Variants in SDK1 observed in about 807,000 individuals in gnomAD.
SDK1 encodes sidekick cell adhesion molecule 1.
A neutral mutation model predicts 245.5 loss-of-function variants in SDK1; 157 were observed. The observed-to-expected ratio is 0.64, with a 90% confidence interval of 0.56 to 0.73. The LOEUF (loss-of-function observed/expected upper bound fraction) is 0.73, where lower values mean the gene tolerates loss of function less well. SDK1 is among the 30% of genes least tolerant of loss of function. The pLI is 0.00. For missense variants in SDK1, 3,583 were observed against 3,002.3 expected (o/e 1.19, Z -4.52); for synonymous variants, 1,647 against 1,278.5 (o/e 1.29, Z -6.15).
chr7:4,209,415 C>T (rs1004748954), intron 37 of SDK1, among the ~76,000 whole-genome samples: 6 of 152,172 alleles, frequency 3.9e-5, no homozygotes, highest in South Asian at 2.1e-4. Context: ...ACACGGCGCC[C>T]GGGCAGAGGG....
chr7:3,976,057 ACG>A (rs1782935692), intron 13 of SDK1, among the ~76,000 whole-genome samples: 1 of 964 alleles, frequency 1.0e-3, no homozygotes, highest in African/African-American at 4.3e-3. Context: ...TGAGGCTGCC[ACG>A]TAGAGGGTCC....
chr7:3,592,016 A>AT (rs1205587655), intron 1 of SDK1, among the ~76,000 whole-genome samples: 2 of 152,142 alleles, frequency 1.3e-5, no homozygotes. Flanking sequence ...AAATGAATAT[A>AT]TTTTTACCAT....
At chr7:3,714,545 A>G (rs771934843) in intron 4 of SDK1, among the ~76,000 whole-genome samples, 2 of 152,192 alleles carry the variant, frequency 1.3e-5, no homozygotes, top group South Asian at 2.1e-4. Flanking sequence ...ATTTTGTTAC[A>G]TCTTATGTAA....
At chr7:3,467,765 A>AT (rs1187482042) in intron 1 of SDK1, among the ~76,000 whole-genome samples, 1 of 152,106 alleles carries the variant, frequency 6.6e-6, no homozygotes, top group Non-Finnish European at 1.5e-5. Context: ...TTAGTAAAGC[A>AT]TTTGAGATTG....
intron 4 of SDK1, among the ~76,000 whole-genome samples, chr7:3,720,068 T>C (rs938752248): frequency 6.6e-5 from 10 of 151,854 alleles, no homozygotes; most frequent in Admixed American, 6.6e-4. Flanking sequence ...ATACCAAAGG[T>C]ACGATTTACA....
intron 19 of SDK1, among the ~76,000 whole-genome samples, chr7:4,059,058 T>A (rs1423191515): frequency 6.6e-6 from 1 of 152,150 alleles, no homozygotes; most frequent in Non-Finnish European, 1.5e-5. Context: ...AATCAATTAA[T>A]AATTACTAGA....
intron 1 of SDK1, among the ~76,000 whole-genome samples, chr7:3,618,649 T>C (rs897294432): frequency 2.0e-5 from 3 of 152,240 alleles, no homozygotes; most frequent in Non-Finnish European, 2.9e-5. Flanking sequence ...TGTATGTATG[T>C]CAATCTTGCT....
In SDK1 at chr7:3,301,646, T is replaced by A. The variant is rs2128539216; in HGVS notation, c.60T>A (p.Pro20=). The A allele has an allele frequency of 1.0e-6, 1 of 975,188 alleles. No individual in the cohort carries two copies. The highest frequency in any genetic ancestry group is 1.2e-6 in the Non-Finnish European group (1 of 825,812). The allele number at this position is 975,188 out of a possible 1,614,324, so 60.4% of individuals were successfully genotyped here. A position where few individuals can be genotyped will look rare whatever the true frequency, so the allele number is the denominator to read the frequency against. The stretch of plus-strand genomic sequence containing the variant: ...GCGGCGGCGGCGGCGCGGAGCCCCC[T>A]GAGCGCGCGGGCCCCGGGCGGCCGC... ...AGGGGGGAEP[P]ERAGPGRPRG... Residue 20 remains proline (P), a synonymous_variant, in exon 1 of 45, where the codon CCT becomes CCA. Transcript: ENST00000404826.
intron 4 of SDK1, among the ~76,000 whole-genome samples, chr7:3,748,478 G>C (rs181365098): frequency 1.3e-5 from 2 of 152,198 alleles, no homozygotes; most frequent in African/African-American, 4.8e-5. Context: ...GTCAGGTCCA[G>C]TGTTGGCTTT....
At chr7:3,379,892 G>C (rs779695533) in intron 1 of SDK1, among the ~76,000 whole-genome samples, 2 of 152,144 alleles carry the variant, frequency 1.3e-5, no homozygotes, top group Admixed American at 1.3e-4. Flanking sequence ...GGGATGCTCA[G>C]CTAGTTGATA....
chr7:4,007,954 G>A (rs776608833), intron 14 of SDK1, among the ~76,000 whole-genome samples: 9 of 152,088 alleles, frequency 5.9e-5, no homozygotes, highest in Middle Eastern at 3.2e-3. Flanking sequence ...GTAAGTGCAC[G>A]GCTCAGTGGC....
intron 13 of SDK1, chr7:3,974,864 CA>C (rs1782789492): frequency 4.6e-6 from 1 of 215,992 alleles, no homozygotes; most frequent in Non-Finnish European, 9.2e-6. Context: ...GCTTAAGTAG[CA>C]AGTTCATTTT....
Position 4,216,784 on chromosome 7 carries a change from C to T in SDK1, c.5540-3325C>T, listed in dbSNP as rs148953277. On this transcript the variant is annotated intron_variant, in intron 38 of 44. Coordinates refer to ENST00000404826, the MANE Select transcript of SDK1 (RefSeq NM_152744.4). ...AACTCTTGGCTGGGCATTGACCAGT[C>T]GGGCCAAGGCAAATAGAGGGTACAG... Among the ~76,000 whole-genome samples, 467 of 152,274 alleles carry T rather than the reference C, an allele frequency of 3.1e-3. 3 individuals are homozygous for T. Among genetic ancestry groups the T allele is most frequent in the African/African-American group, 0.01 (435 of 41,546 alleles).
intron 1 of SDK1, among the ~76,000 whole-genome samples, chr7:3,618,063 TAAAG>T (rs543072934): frequency 3.9e-4 from 60 of 152,270 alleles, no homozygotes; most frequent in African/African-American, 1.3e-3. Context: ...ATTTTGCTGA[TAAAG>T]AAACAAAAAC....
At chr7:3,683,004 G>C (rs181112644) in intron 4 of SDK1, among the ~76,000 whole-genome samples, 2 of 152,252 alleles carry the variant, frequency 1.3e-5, no homozygotes, top group East Asian at 3.9e-4. Context: ...AAAGTGTTGT[G>C]ATCACAAGTA....
chr7:3,497,221 C>G (rs1782051870), intron 1 of SDK1, among the ~76,000 whole-genome samples: 2 of 152,156 alleles, frequency 1.3e-5, no homozygotes. Flanking sequence ...GCAATGGTTA[C>G]TCTTTTATTT....
intron 13 of SDK1, among the ~76,000 whole-genome samples, chr7:3,981,789 G>C (rs1783420713): frequency 6.6e-6 from 1 of 152,174 alleles, no homozygotes; most frequent in Non-Finnish European, 1.5e-5. Flanking sequence ...TTGGAAGCTA[G>C]CAGGGGTTGG....
At chr7:3,485,771 A>G (rs1391701106) in intron 1 of SDK1, among the ~76,000 whole-genome samples, 1 of 132,840 alleles carries the variant, frequency 7.5e-6, no homozygotes, top group East Asian at 2.2e-4. Context: ...TTCCATCTAT[A>G]TTCATAAGTG....
At chr7:3,762,118 A>T (rs913395739) in intron 4 of SDK1, among the ~76,000 whole-genome samples, 77 of 152,350 alleles carry the variant, frequency 5.1e-4, no homozygotes, top group African/African-American at 1.7e-3. Context: ...GAATGAGCAC[A>T]TAACAGCGGT....
Sources: gnomAD v4.1 joint callset for allele counts (sites outside exome capture counted in the v4.1 genomes callset) on GRCh38, gnomAD v4.1.1 for gene constraint, MANE v1.5 for transcripts, NCBI Gene and HGNC (gene_info 2026-07-23, HGNC 2026-07-21) for gene names.